The following MTMR3 variants were observed in gnomAD, a reference collection of about 807,000 sequenced individuals.
The protein encoded by MTMR3 is phosphatidylinositol-3,5-bisphosphate 3-phosphatase MTMR3.
Under a neutral mutation model 132.4 loss-of-function variants are expected in MTMR3, and 32 were observed. The observed-to-expected ratio is 0.24, with a 90% CI of 0.18 to 0.32. MTMR3 has a LOEUF of 0.32. Ranked by LOEUF, MTMR3 falls within the 10% of genes least tolerant of loss-of-function variation. MTMR3 has a pLI of 1.00. For synonymous variants in MTMR3, 556 were observed against 550.3 expected, an observed-to-expected ratio of 1.01 and a Z score of -0.14; for missense variants, 1,216 against 1,489.6, an observed-to-expected ratio of 0.82 and a Z score of 3.02.
At chr22:29,989,376 G>A (rs2066916135) in intron 6 of MTMR3, 1 of 152,226 alleles carries the variant, frequency 6.6e-6, no homozygotes, top group Admixed American at 6.5e-5. Flanking sequence ...TTACAGGTGT[G>A]TGCCACCACA....
At chr22:29,936,357 TG>T (rs1289615377) in intron 1 of MTMR3, among the ~76,000 whole-genome samples, 1 of 152,198 alleles carries the variant, frequency 6.6e-6, no homozygotes, top group Non-Finnish European at 1.5e-5. Context: ...GTCAGCTTTT[TG>T]CTTCCTTGTT....
intron 1 of MTMR3, among the ~76,000 whole-genome samples, chr22:29,898,226 C>T (rs2064940292): frequency 6.6e-6 from 1 of 152,118 alleles, no homozygotes; most frequent in Admixed American, 6.6e-5. Flanking sequence ...TAGTTGTTTT[C>T]AACAAATATA....
At chr22:29,891,699 C>CT (rs1047045889) in intron 1 of MTMR3, among the ~76,000 whole-genome samples, 2 of 152,004 alleles carry the variant, frequency 1.3e-5, no homozygotes, top group Non-Finnish European at 2.9e-5. Flanking sequence ...TCCCAAAGTG[C>CT]TGGTATTACA....
At chr22:29,996,590 A>G (rs1373419049) in intron 7 of MTMR3, 1 of 152,252 alleles carries the variant, frequency 6.6e-6, no homozygotes, top group Non-Finnish European at 1.5e-5. Context: ...CAGCTTTTGC[A>G]AAGACTTGGA....
chr22:29,952,208 A>G (rs1321744050), intron 1 of MTMR3, among the ~76,000 whole-genome samples: 1 of 152,112 alleles, frequency 6.6e-6, no homozygotes, highest in Non-Finnish European at 1.5e-5. Flanking sequence ...CTGACAACTT[A>G]CTAGATTTTT....
chr22:29,934,153 G>A (rs1439874385), intron 1 of MTMR3, among the ~76,000 whole-genome samples: 1 of 152,160 alleles, frequency 6.6e-6, no homozygotes, highest in Non-Finnish European at 1.5e-5. Context: ...AAGAGATCGA[G>A]ACCATCCTGG....
rs774320095 is a variant in MTMR3 at position 30,019,966 on chromosome 22, G to T, written c.2307G>T (p.Gln769His). ...PLFSQGISEQQSGLSVLLSSL... is the reference protein window; with the variant it reads ...PLFSQGISEQHSGLSVLLSSL... ...TCTCACAGGGCATTTCTGAACAGCA[G>T]AGTGGGCTCAGTGTTCTCCTCAGTT... The change falls in exon 17 of 20, where the codon CAG (glutamine) becomes CAT (histidine). Residue 769 changes from glutamine (Q) to histidine (H), a missense_variant. Physicochemically the swap from Gln to His is conservative, Grantham distance 24. This residue lies in a region of MTMR3 where 852 missense variants were observed against 852.0 expected (regional missense o/e 1.00). Coordinates refer to ENST00000401950, the MANE Select transcript of MTMR3 (RefSeq NM_021090.4). 1.2e-6 allele frequency: 2 copies of T among 1,614,214 alleles called. No homozygotes were observed. Among genetic ancestry groups the T allele is most frequent in the Non-Finnish European group, 1.7e-6 (2 of 1,180,042 alleles).
chr22:29,939,942 AC>A (rs1395056258), intron 1 of MTMR3, among the ~76,000 whole-genome samples: 4 of 151,972 alleles, frequency 2.6e-5, no homozygotes, highest in African/African-American at 9.7e-5. Flanking sequence ...ATGACAATAC[AC>A]CCTCCCCGCC....
chr22:29,937,341 A>C (rs1038697011), intron 1 of MTMR3, among the ~76,000 whole-genome samples: 3 of 151,938 alleles, frequency 2.0e-5, no homozygotes, highest in Non-Finnish European at 2.9e-5. Context: ...TGGTCACAGC[A>C]GTTTTGAGGC....
intron 16 of MTMR3, 22 bp from the exon 17 acceptor site, chr22:30,019,458 C>G (rs1435666271): frequency 1.3e-6 from 2 of 1,569,286 alleles, no homozygotes; most frequent in South Asian, 2.3e-5. Flanking sequence ...ATTTTCATTT[C>G]CCCCAAATTC....
At chr22:29,921,903 C>T (rs752488239) in intron 1 of MTMR3, among the ~76,000 whole-genome samples, 1 of 147,466 alleles carries the variant, frequency 6.8e-6, no homozygotes, top group South Asian at 2.1e-4. Context: ...GGCTGGAGTG[C>T]GGTGGTGCCA....
At chr22:29,890,771 T>C (rs1432864310) in intron 1 of MTMR3, among the ~76,000 whole-genome samples, 1 of 152,178 alleles carries the variant, frequency 6.6e-6, no homozygotes, top group Non-Finnish European at 1.5e-5. Flanking sequence ...CGGAGGGAGC[T>C]GATAAAAATG....
chr22:29,950,520 T>C (rs2066055070), intron 1 of MTMR3, among the ~76,000 whole-genome samples: 1 of 151,922 alleles, frequency 6.6e-6, no homozygotes, highest in South Asian at 2.1e-4. Flanking sequence ...CACACCACCA[T>C]GCCCAGATAA....
At position 29,923,845 on chromosome 22, in the gene MTMR3, A is replaced by G. The variant is rs2065466227; in HGVS notation, c.-137-33191A>G. Among the ~76,000 whole-genome samples, 6 of 152,198 alleles carry G rather than the reference A, an allele frequency of 3.9e-5. 1 individual carries two copies. The South Asian group carries it at 1.2e-3, about 32-fold the overall frequency. ...CAGGGGTTAGGGTTTCAACATTTCA[A>G]TTTCAAGGGGCCAAAAAGCCCATAT... On this transcript the variant is annotated intron_variant, in intron 1 of 19. Coordinates refer to ENST00000401950, the MANE Select transcript of MTMR3 (RefSeq NM_021090.4).
intron 1 of MTMR3, among the ~76,000 whole-genome samples, chr22:29,885,741 T>C (rs2064661873): frequency 6.6e-6 from 1 of 152,220 alleles, no homozygotes; most frequent in Non-Finnish European, 1.5e-5. Context: ...TGAAAAGTTC[T>C]TGAGATTTGC....
intron 2 of MTMR3, 112 bp from the exon 3 acceptor site, chr22:29,970,864 G>A (rs2066519245): frequency 3.8e-6 from 2 of 532,122 alleles, no homozygotes; most frequent in South Asian, 3.2e-5. Context: ...TTAGGCCTGT[G>A]TATATACAAT....
chr22:29,933,217 C>T (rs2065679896), intron 1 of MTMR3, among the ~76,000 whole-genome samples: 1 of 151,890 alleles, frequency 6.6e-6, no homozygotes, highest in Non-Finnish European at 1.5e-5. Context: ...ATCCACCTGC[C>T]TCGGCCTCCC....
At position 29,952,092 on chromosome 22, in the gene MTMR3, T is replaced by C. The variant is rs192021654; in HGVS notation, c.-137-4944T>C. ...TTTTTTGTAGATGATGGTTTCATCA[T>C]GTTGCCGAGGCTGGTCTCGAACTCC... On this transcript the variant is annotated intron_variant, in intron 1 of 19. Transcript: ENST00000401950. Among the ~76,000 whole-genome samples, 23 of 152,180 alleles carry C rather than the reference T, an allele frequency of 1.5e-4. No homozygotes were observed. The East Asian group carries it at 2.7e-3, about 18-fold the overall frequency.
chr22:30,008,139 C>T, intron 11 of MTMR3, 107 bp downstream of exon 11: 1 of 1,435,780 alleles, frequency 7.0e-7, no homozygotes, highest in Non-Finnish European at 9.5e-7. Flanking sequence ...CCATATTCCT[C>T]ATCCATCCTG....
Sources: gnomAD v4.1 joint callset for allele counts (sites outside exome capture counted in the v4.1 genomes callset) on GRCh38, gnomAD v4.1.1 for gene constraint, gnomAD v4.1.1 regional missense constraint, MANE v1.5 for transcripts, NCBI Gene and HGNC (gene_info 2026-07-23, HGNC 2026-07-21) for gene names.